TMTC2: variants seen among roughly 807,000 people sequenced by gnomAD.
TMTC2 encodes protein O-mannosyl-transferase TMTC2.
In TMTC2, 43 loss-of-function variants were observed where a neutral mutation model predicts 82.4. The ratio of observed to expected loss-of-function variants is 0.52; its 90% confidence interval spans 0.41 to 0.67. The LOEUF (loss-of-function observed/expected upper bound fraction) is 0.67. Ranked by LOEUF, TMTC2 falls within the 30% of genes least tolerant of loss-of-function variation. The probability of loss-of-function intolerance (pLI) is 0.00; values close to 1 mark genes in which losing one functional copy is unlikely to be tolerated. For missense variants in TMTC2, 919 were observed against 1,012.4 expected (o/e 0.91, Z 1.25); for synonymous variants, 408 against 381.9 (o/e 1.07, Z -0.80).
At chr12:83,114,277 G>GAGGAAACAC (rs1199547646) in intron 11 of TMTC2, among the ~76,000 whole-genome samples, 3 of 151,884 alleles carry the variant, frequency 2.0e-5, no homozygotes, top group African/African-American at 7.3e-5. Context: ...AAAATAGTAA[G>GAGGAAACAC]AGGAAACACA....
intron 1 of TMTC2, among the ~76,000 whole-genome samples, chr12:82,714,343 G>T (rs141884565): frequency 6.6e-6 from 1 of 152,132 alleles, no homozygotes; most frequent in Non-Finnish European, 1.5e-5. Context: ...AAAGTAAAAG[G>T]ATTTCAAATT....
intron 8 of TMTC2, among the ~76,000 whole-genome samples, chr12:82,999,209 G>C (rs1477915019): frequency 6.6e-6 from 1 of 152,034 alleles, no homozygotes; most frequent in Non-Finnish European, 1.5e-5. Flanking sequence ...TTATTATGAT[G>C]ACCTTGACAA....
chr12:82,992,199 A>T (rs143256472), intron 8 of TMTC2, among the ~76,000 whole-genome samples: 1 of 152,338 alleles, frequency 6.6e-6, no homozygotes, highest in Non-Finnish European at 1.5e-5. Flanking sequence ...AGTGTAGTTT[A>T]TCTGGAAATG....
At chr12:82,944,848 G>C (rs971870866) in intron 4 of TMTC2, among the ~76,000 whole-genome samples, 3 of 152,140 alleles carry the variant, frequency 2.0e-5, no homozygotes, top group African/African-American at 7.2e-5. Context: ...ACAGCATGTT[G>C]CTATCACAAA....
chr12:82,791,653 C>T (rs1878477463), intron 1 of TMTC2, among the ~76,000 whole-genome samples: 2 of 152,054 alleles, frequency 1.3e-5, no homozygotes, highest in Non-Finnish European at 2.9e-5. Context: ...TTCTATAGGC[C>T]AGAAGTTCCT....
At chr12:82,888,725 C>T (rs1047397485) in intron 2 of TMTC2, among the ~76,000 whole-genome samples, 2 of 152,136 alleles carry the variant, frequency 1.3e-5, no homozygotes, top group Non-Finnish European at 2.9e-5. Flanking sequence ...TATTTGAATT[C>T]CTACAAATGT....
intron 1 of TMTC2, among the ~76,000 whole-genome samples, chr12:82,797,962 G>A (rs1878801385): frequency 1.5e-5 from 2 of 131,192 alleles, no homozygotes; most frequent in South Asian, 2.4e-4. Context: ...TTTTTGAGAC[G>A]AGTCCCTCTC....
chr12:83,000,559 A>T (rs910167094), intron 8 of TMTC2, among the ~76,000 whole-genome samples: 1 of 152,202 alleles, frequency 6.6e-6, no homozygotes, highest in Non-Finnish European at 1.5e-5. Flanking sequence ...ACTGCAGGGT[A>T]TAGCCCTCCT....
At position 82,857,082 on chromosome 12, in the gene TMTC2, G is replaced by A; in HGVS notation, c.156G>A (p.Trp52Ter). 4 of 1,613,540 alleles carry A rather than the reference G, an allele frequency of 2.5e-6. No homozygotes were observed. The highest frequency in any genetic ancestry group is 3.4e-6 in the Non-Finnish European group (4 of 1,179,996). The change falls in exon 2 of 12, where the codon TGG (tryptophan) becomes TGA (stop). Residue 52 changes from tryptophan to a stop codon, truncating the protein, a stop_gained. Transcript: ENST00000321196. LOFTEE classifies it high-confidence loss of function. The part of the protein sequence containing the change: ...PWTHIFYNDF[W>*]GTLLTHSGSH... ...CGCACATTTTCTACAATGATTTTTG[G>A]GGGACTCTTCTAACCCACAGTGGCA...
chr12:83,005,430 G>A (rs1880155420), intron 8 of TMTC2, among the ~76,000 whole-genome samples: 1 of 152,056 alleles, frequency 6.6e-6, no homozygotes, highest in African/African-American at 2.4e-5. Context: ...CTGTGGTGGG[G>A]GAGATGGGAG....
chr12:82,847,420 A>G (rs1870745073), intron 1 of TMTC2, among the ~76,000 whole-genome samples: 1 of 152,170 alleles, frequency 6.6e-6, no homozygotes, highest in African/African-American at 2.4e-5. Flanking sequence ...AATTTAATTT[A>G]TTAACCCAGC....
chr12:83,061,049 TGA>T (rs563043646), intron 10 of TMTC2, among the ~76,000 whole-genome samples: 1 of 151,654 alleles, frequency 6.6e-6, no homozygotes, highest in Non-Finnish European at 1.5e-5. Flanking sequence ...GGCCCAGAAG[TGA>T]GATATACAAA....
intron 8 of TMTC2, among the ~76,000 whole-genome samples, chr12:83,006,351 G>A (rs1162661324): frequency 1.3e-5 from 2 of 152,138 alleles, no homozygotes; most frequent in Admixed American, 1.3e-4. Context: ...CTCTTCCTGG[G>A]TGTGTCTACT....
intron 4 of TMTC2, among the ~76,000 whole-genome samples, chr12:82,956,536 A>G (rs1877626178): frequency 1.3e-5 from 2 of 151,992 alleles, no homozygotes; most frequent in South Asian, 4.1e-4. Context: ...TGCACCCTCC[A>G]TCTCCCATGT....
intron 11 of TMTC2, among the ~76,000 whole-genome samples, chr12:83,090,474 C>A (rs1262651794): frequency 6.6e-6 from 1 of 152,102 alleles, no homozygotes; most frequent in Non-Finnish European, 1.5e-5. Context: ...ATAAAGTTAA[C>A]CTTTTTGGTT....
At chr12:83,069,617 T>C (rs1409908411) in intron 11 of TMTC2, among the ~76,000 whole-genome samples, 1 of 152,178 alleles carries the variant, frequency 6.6e-6, no homozygotes, top group African/African-American at 2.4e-5. Context: ...GTATAGATTG[T>C]GCAGATTTTC....
In TMTC2 at chr12:82,750,221, C is replaced by G. The variant is rs925404133; in HGVS notation, c.83+62552C>G. Among the ~76,000 whole-genome samples the G allele has an allele frequency of 8.4e-5, 12 of 143,078 alleles. 1 individual carries two copies. The highest frequency in any genetic ancestry group is 3.1e-4 in the African/African-American group (12 of 39,160). The allele number at this position is 143,078 out of a possible 152,430, so 93.9% of individuals were successfully genotyped here. A position where few individuals can be genotyped will look rare whatever the true frequency, so the allele number is the denominator to read the frequency against. On this transcript the variant is annotated intron_variant, in intron 1 of 11. Transcript: ENST00000321196. ...GAAGTTCCTCTTTTGTTTTATACCA[C>G]TGAACTCTAAAAGTTTAATCTTTTT...
intron 1 of TMTC2, among the ~76,000 whole-genome samples, chr12:82,851,856 A>G (rs564647761): frequency 1.6e-4 from 25 of 151,880 alleles, no homozygotes; most frequent in Non-Finnish European, 2.8e-4. Flanking sequence ...CTGAAGGACT[A>G]CTGGTCATTA....
At chr12:82,803,257 G>A (rs1454029877) in intron 1 of TMTC2, among the ~76,000 whole-genome samples, 1 of 152,118 alleles carries the variant, frequency 6.6e-6, no homozygotes, top group Admixed American at 6.5e-5. Context: ...TCATTGACAA[G>A]ACATTAAGAC....
Sources: gnomAD v4.1 joint callset for allele counts (sites outside exome capture counted in the v4.1 genomes callset) on GRCh38, gnomAD v4.1.1 for gene constraint, MANE v1.5 for transcripts, NCBI Gene and HGNC (gene_info 2026-07-23, HGNC 2026-07-21) for gene names.